FAM168A: variants seen among roughly 807,000 people sequenced by gnomAD.
FAM168A encodes the protein family with sequence similarity 168 member A, also known as protein FAM168A.
In FAM168A, 3 loss-of-function variants were observed where a neutral mutation model predicts 28.5. The ratio of observed to expected loss-of-function variants is 0.11; its 90% CI spans 0.05 to 0.27. The LOEUF (loss-of-function observed/expected upper bound fraction) is 0.27, where lower values mean the gene tolerates loss of function less well. Among genes scored for constraint, FAM168A ranks in the 10% least tolerant of loss-of-function variants. The pLI is 1.00. For synonymous variants in FAM168A, 122 were observed against 124.2 expected, an observed-to-expected ratio of 0.98 and a Z score of 0.12; for missense variants, 222 against 311.5, an observed-to-expected ratio of 0.71 and a Z score of 2.16.
At chr11:73,568,280 A>G (rs984308939) in intron 1 of FAM168A, among the ~76,000 whole-genome samples, 2 of 152,192 alleles carry the variant, frequency 1.3e-5, no homozygotes, top group African/African-American at 4.8e-5. Flanking sequence ...ACATTAAAAC[A>G]ATTAATTCTT....
chr11:73,505,965 T>C (rs1423092256), intron 1 of FAM168A, among the ~76,000 whole-genome samples: 1 of 152,158 alleles, frequency 6.6e-6, no homozygotes, highest in Non-Finnish European at 1.5e-5. Flanking sequence ...ATAAATTCAA[T>C]ATGACTATAC....
At chr11:73,536,824 T>C (rs1334104385) in intron 1 of FAM168A, among the ~76,000 whole-genome samples, 1 of 152,222 alleles carries the variant, frequency 6.6e-6, no homozygotes, top group Non-Finnish European at 1.5e-5. Flanking sequence ...TCTGCATTTA[T>C]TTTCCTGATT....
Position 73,405,694 on chromosome 11 carries a change from G to A in FAM168A, c.*1069C>T, listed in dbSNP as rs577783146. The A allele has an allele frequency of 6.6e-6, 1 of 152,318 alleles. No homozygotes were observed. Among genetic ancestry groups the A allele is most frequent in the Admixed American group, 6.5e-5 (1 of 15,294 alleles). 9.4% of individuals were successfully genotyped at this position (152,318 alleles called of 1,614,324 possible). A position where few individuals can be genotyped will look rare whatever the true frequency, so the allele number is the denominator to read the frequency against. On this transcript the variant is annotated 3_prime_UTR_variant, in exon 8 of 8. Transcript: ENST00000356467. ...CCTGGAATGTGGTTCCTTCACTTGG[G>A]CCATGAATGGCACAGGTAACCAAGA...
intron 2 of FAM168A, among the ~76,000 whole-genome samples, chr11:73,438,964 C>G (rs565153545): frequency 6.8e-6 from 1 of 147,158 alleles, no homozygotes; most frequent in Admixed American, 6.7e-5. Flanking sequence ...ACCCCCCCTT[C>G]TTTTCTTTGA....
chr11:73,561,067 A>AC, intron 1 of FAM168A, among the ~76,000 whole-genome samples: 1 of 140,366 alleles, frequency 7.1e-6, no homozygotes, highest in East Asian at 2.0e-4. Context: ...GTCCCAAAAA[A>AC]AAAAAACAAA....
At chr11:73,543,850 T>C (rs555945071) in intron 1 of FAM168A, among the ~76,000 whole-genome samples, 2 of 152,232 alleles carry the variant, frequency 1.3e-5, no homozygotes. Context: ...CACAAAGAGA[T>C]ACATAAAGTG....
intron 1 of FAM168A, among the ~76,000 whole-genome samples, chr11:73,508,509 C>T (rs187366013): frequency 4.8e-4 from 73 of 152,226 alleles, no homozygotes; most frequent in Non-Finnish European, 9.4e-4. Context: ...AAAATTGCTA[C>T]GTCTCCTACT....
At chr11:73,454,806 G>A (rs1867498764) in intron 2 of FAM168A, among the ~76,000 whole-genome samples, 1 of 152,092 alleles carries the variant, frequency 6.6e-6, no homozygotes, top group African/African-American at 2.4e-5. Context: ...GGACTTCAGG[G>A]GAAGATTACC....
At chr11:73,531,801 A>AC (rs1168432200) in intron 1 of FAM168A, among the ~76,000 whole-genome samples, 12 of 125,962 alleles carry the variant, frequency 9.5e-5, no homozygotes, top group African/African-American at 3.8e-4. Flanking sequence ...ACCAAGTATC[A>AC]CTTTTTTTTT....
chr11:73,561,458 G>T (rs998413577), intron 1 of FAM168A, among the ~76,000 whole-genome samples: 1 of 151,546 alleles, frequency 6.6e-6, no homozygotes, highest in Non-Finnish European at 1.5e-5. Context: ...AGCAACTGGG[G>T]AGACATATAT....
At chr11:73,433,840 CTTTTT>C (rs34260175) in intron 2 of FAM168A, among the ~76,000 whole-genome samples, 18 of 83,308 alleles carry the variant, frequency 2.2e-4, no homozygotes, top group Non-Finnish European at 3.7e-4. Flanking sequence ...AGGGTAGGCC[CTTTTT>C]TTTTTTTTTT....
chr11:73,468,967 A>G (rs527784125), intron 1 of FAM168A, among the ~76,000 whole-genome samples: 1 of 152,362 alleles, frequency 6.6e-6, no homozygotes, highest in South Asian at 2.1e-4. Context: ...GGTGACGAGC[A>G]AACAGACTGC....
chr11:73,486,814 T>C (rs956247332), intron 1 of FAM168A, among the ~76,000 whole-genome samples: 10 of 152,206 alleles, frequency 6.6e-5, no homozygotes, highest in African/African-American at 2.2e-4. Flanking sequence ...GTATCAATGT[T>C]TGAATAAAGA....
chr11:73,517,418 GA>G (rs1375719616), intron 1 of FAM168A, among the ~76,000 whole-genome samples: 2 of 151,998 alleles, frequency 1.3e-5, no homozygotes, highest in African/African-American at 4.8e-5. Flanking sequence ...AGCTAGTCGA[GA>G]ATCCAGATTA....
chr11:73,518,890 G>A (rs1398715398), intron 1 of FAM168A, among the ~76,000 whole-genome samples: 1 of 151,730 alleles, frequency 6.6e-6, no homozygotes, highest in African/African-American at 2.4e-5. Context: ...GAGTGAGACT[G>A]TCTCAAAAAA....
At chr11:73,456,460 A>G (rs1867533692) in intron 2 of FAM168A, among the ~76,000 whole-genome samples, 2 of 152,204 alleles carry the variant, frequency 1.3e-5, no homozygotes, top group Non-Finnish European at 2.9e-5. Context: ...AGATACATGG[A>G]AAGCATGTCT....
chr11:73,524,021 G>C (rs1293322897), intron 1 of FAM168A, among the ~76,000 whole-genome samples: 1 of 151,798 alleles, frequency 6.6e-6, no homozygotes, highest in Non-Finnish European at 1.5e-5. Flanking sequence ...CACTGCCCCC[G>C]GCCCCTACTC....
intron 1 of FAM168A, among the ~76,000 whole-genome samples, chr11:73,552,632 A>G (rs940230021): frequency 1.3e-5 from 2 of 152,140 alleles, no homozygotes; most frequent in Non-Finnish European, 2.9e-5. Context: ...CGAAAGAGGT[A>G]CTCAATTAAC....
rs149765218 is a variant in FAM168A, at chr11:73,424,628, C to T, written c.152-4629G>A. Among the ~76,000 whole-genome samples, 1,121 of 152,258 alleles carry T rather than the reference C, an allele frequency of 7.4e-3. 13 individuals carry two copies. The highest frequency in any genetic ancestry group is 0.011 in the Non-Finnish European group (776 of 68,014). ...TGCCGATGGAGATGGAAAATCTGAT[C>T]CTGGGGCAGACTAGTTTTTTGGGTT... On this transcript the variant is annotated intron_variant, in intron 3 of 7. Coordinates refer to ENST00000356467, the MANE Select transcript of FAM168A (RefSeq NM_015159.3).
Sources: allele counts gnomAD v4.1 joint callset (sites outside exome capture counted in the v4.1 genomes callset), GRCh38; gene constraint gnomAD v4.1.1; transcripts MANE v1.5; gene names NCBI Gene and HGNC (gene_info 2026-07-23, HGNC 2026-07-21).